Variants in RBFOX1 observed in about 807,000 individuals in gnomAD.
The protein encoded by RBFOX1 is RNA binding fox-1 homolog 1.
Under a neutral mutation model 57.7 loss-of-function variants are expected in RBFOX1, and 8 were observed. That is an observed-to-expected ratio of 0.14 (90% CI 0.08 to 0.25). The LOEUF (loss-of-function observed/expected upper bound fraction) is 0.25, where lower values mean the gene tolerates loss of function less well. Among genes scored for constraint, RBFOX1 ranks in the 10% least tolerant of loss-of-function variants. RBFOX1 has a pLI of 1.00. For missense variants in RBFOX1, 611 were observed against 548.5 expected (o/e 1.11, Z -1.14); for synonymous variants, 326 against 222.4 (o/e 1.47, Z -4.15).
chr16:6,010,126 C>T (rs1222866302), intron 4 of RBFOX1, among the ~76,000 whole-genome samples: 1 of 152,072 alleles, frequency 6.6e-6, no homozygotes, highest in Admixed American at 6.6e-5. Flanking sequence ...CTGTGTTGCC[C>T]CACACCTCGT....
chr16:7,174,274 T>G (rs542972075), intron 4 of RBFOX1, among the ~76,000 whole-genome samples: 10 of 152,198 alleles, frequency 6.6e-5, no homozygotes, highest in Non-Finnish European at 1.0e-4. Context: ...TTGAGTAATA[T>G]TCCATGGTAT....
At chr16:6,064,519 G>C (rs2095733039) in intron 1 of RBFOX1, among the ~76,000 whole-genome samples, 2 of 152,086 alleles carry the variant, frequency 1.3e-5, no homozygotes, top group South Asian at 4.2e-4. Flanking sequence ...CACATAGGCA[G>C]AATACATACA....
intron 2 of RBFOX1, among the ~76,000 whole-genome samples, chr16:6,356,597 T>A (rs1470379516): frequency 6.6e-6 from 1 of 151,972 alleles, no homozygotes; most frequent in African/African-American, 2.4e-5. Flanking sequence ...CTTACAACCG[T>A]CAAGGTCTTC....
chr16:6,055,203 G>C (rs774346291), intron 1 of RBFOX1, among the ~76,000 whole-genome samples: 13 of 151,988 alleles, frequency 8.6e-5, no homozygotes, highest in Non-Finnish European at 1.3e-4. Flanking sequence ...TTATTAAAAA[G>C]CACTTATTAT....
rs1001346900 is a variant in RBFOX1, at chr16:6,479,028, T to C, written c.-64+161971T>C. On this transcript the variant is annotated intron_variant, in intron 2 of 15. Transcript: ENST00000550418. Reference sequence around the variant, plus strand: ...AAGGTTGCCACAAAACTTCAATTTGTACAAAATGCAATATCTGCAAAGCAT... The same window carrying C: ...AAGGTTGCCACAAAACTTCAATTTGCACAAAATGCAATATCTGCAAAGCAT... 2.0e-5 allele frequency among the ~76,000 whole-genome samples: 3 copies of C among 152,298 alleles called. No homozygotes were observed. The East Asian group carries it at 5.8e-4, about 29-fold the overall frequency.
At chr16:6,934,144 G>C (rs2076998268) in intron 3 of RBFOX1, among the ~76,000 whole-genome samples, 2 of 152,006 alleles carry the variant, frequency 1.3e-5, no homozygotes, top group South Asian at 4.2e-4. Flanking sequence ...GAACTTCCTG[G>C]GCTTCTGGTA....
chr16:5,862,432 G>A (rs997350599), intron 3 of RBFOX1, among the ~76,000 whole-genome samples: 3 of 152,138 alleles, frequency 2.0e-5, no homozygotes, highest in Non-Finnish European at 2.9e-5. Context: ...TTGTAGCACC[G>A]TTGGCACAGC....
chr16:7,327,095 G>C (rs138521690), intron 4 of RBFOX1, among the ~76,000 whole-genome samples: 2 of 152,150 alleles, frequency 1.3e-5, no homozygotes, highest in South Asian at 2.1e-4. Context: ...AATGACTTTC[G>C]GACAAAGGTG....
chr16:7,030,707 C>T (rs1046978008), intron 3 of RBFOX1, among the ~76,000 whole-genome samples: 4 of 152,128 alleles, frequency 2.6e-5, no homozygotes, highest in African/African-American at 9.7e-5. Context: ...CAAATAAGGC[C>T]ACATTCTGAG....
chr16:5,830,890 G>A (rs1036643189), intron 3 of RBFOX1, among the ~76,000 whole-genome samples: 4 of 152,082 alleles, frequency 2.6e-5, no homozygotes, highest in Non-Finnish European at 5.9e-5. Context: ...GGCTTTTGCT[G>A]GACATTTGAG....
chr16:5,307,266 G>A (rs2063962507), intron 1 of RBFOX1, among the ~76,000 whole-genome samples: 1 of 152,164 alleles, frequency 6.6e-6, no homozygotes, highest in Non-Finnish European at 1.5e-5. Context: ...GCTCACACCA[G>A]GAGACTTTTC....
chr16:6,132,571 C>T (rs971438476), intron 1 of RBFOX1, among the ~76,000 whole-genome samples: 3 of 152,158 alleles, frequency 2.0e-5, no homozygotes, highest in African/African-American at 7.2e-5. Flanking sequence ...CAGTTACTCA[C>T]TGGGGAACAT....
intron 4 of RBFOX1, among the ~76,000 whole-genome samples, chr16:7,467,281 C>G (rs1279156362): frequency 6.6e-6 from 1 of 152,160 alleles, no homozygotes; most frequent in Admixed American, 6.5e-5. Flanking sequence ...GTGCTAAAGA[C>G]AGACAGCTGC....
intron 2 of RBFOX1, among the ~76,000 whole-genome samples, chr16:5,547,680 G>A (rs2045270230): frequency 6.6e-6 from 1 of 152,158 alleles, no homozygotes; most frequent in South Asian, 2.1e-4. Context: ...TGAAGAATAT[G>A]TGCTGCATGT....
At chr16:6,672,339 C>T (rs763025432) in intron 3 of RBFOX1, among the ~76,000 whole-genome samples, 42 of 145,290 alleles carry the variant, frequency 2.9e-4, no homozygotes, top group Non-Finnish European at 4.4e-4. Flanking sequence ...GGAAGGGTGG[C>T]AGGGAGGGAG....
intron 4 of RBFOX1, among the ~76,000 whole-genome samples, chr16:7,118,705 G>C (rs113654101): frequency 2.6e-5 from 4 of 152,314 alleles, no homozygotes; most frequent in African/African-American, 9.6e-5. Context: ...GTAAAGGCGT[G>C]AATGTTAGGA....
At chr16:6,815,424 A>G (rs1350165893) in intron 3 of RBFOX1, among the ~76,000 whole-genome samples, 1 of 152,150 alleles carries the variant, frequency 6.6e-6, no homozygotes, top group African/African-American at 2.4e-5. Flanking sequence ...CCCCTTTTCA[A>G]GATGGAGTCA....
At chr16:6,507,387 A>G (rs1239980387) in intron 2 of RBFOX1, among the ~76,000 whole-genome samples, 1 of 150,954 alleles carries the variant, frequency 6.6e-6, no homozygotes, top group African/African-American at 2.4e-5. Context: ...AGGGAAAGAA[A>G]GGGCTGGGCA....
intron 2 of RBFOX1, among the ~76,000 whole-genome samples, chr16:6,626,243 C>A (rs372514371): frequency 6.6e-6 from 1 of 150,410 alleles, no homozygotes; most frequent in Non-Finnish European, 1.5e-5. Flanking sequence ...GTGTCCTGTT[C>A]AACAAATGTT....
Sources: gnomAD v4.1 joint callset for allele counts (sites outside exome capture counted in the v4.1 genomes callset) on GRCh38, gnomAD v4.1.1 for gene constraint, MANE v1.5 for transcripts, NCBI Gene and HGNC (gene_info 2026-07-23, HGNC 2026-07-21) for gene names.